The following PCDHGB3 variants were observed in gnomAD, a reference collection of about 807,000 sequenced individuals.
The protein encoded by PCDHGB3 is protocadherin gamma-B3.
In PCDHGB3, 40 loss-of-function variants were observed where a neutral mutation model predicts 59.2. The ratio of observed to expected loss-of-function variants is 0.68; its 90% CI spans 0.52 to 0.88. The LOEUF (loss-of-function observed/expected upper bound fraction) is 0.88, where lower values mean the gene tolerates loss of function less well. Among genes scored for constraint, PCDHGB3 ranks in the 40% least tolerant of loss-of-function variants. PCDHGB3 has a pLI of 0.00. For synonymous variants in PCDHGB3, 581 were observed against 503.6 expected (o/e 1.15, Z -2.06); for missense variants, 1,309 against 1,187.9 (o/e 1.10, Z -1.50).
intron 1 of PCDHGB3, among the ~76,000 whole-genome samples, chr5:141,463,966 A>C (rs923614502): frequency 4.6e-5 from 7 of 152,196 alleles, no homozygotes; most frequent in African/African-American, 1.7e-4. Context: ...AAATAGCTTC[A>C]TAAAACTCCA....
At chr5:141,398,827 G>A in intron 1 of PCDHGB3, 1 of 1,613,982 alleles carries the variant, frequency 6.2e-7, no homozygotes, top group East Asian at 2.2e-5. Flanking sequence ...CCAGGTAACC[G>A]ACGCCAATGA....
chr5:141,464,707 A>G (rs1052234067), intron 1 of PCDHGB3, among the ~76,000 whole-genome samples: 13 of 152,112 alleles, frequency 8.5e-5, no homozygotes, highest in African/African-American at 3.1e-4. Flanking sequence ...ATGAGGTTAA[A>G]TAGTTTTTCA....
chr5:141,375,842 C>T, intron 1 of PCDHGB3: 2 of 1,614,122 alleles, frequency 1.2e-6, no homozygotes, highest in East Asian at 4.5e-5. Flanking sequence ...GCCCGGCTAC[C>T]TGGTGACCAA....
intron 1 of PCDHGB3, chr5:141,378,750 G>T (rs1388712170): frequency 1.3e-5 from 2 of 152,084 alleles, no homozygotes; most frequent in African/African-American, 4.8e-5. Flanking sequence ...CAAGAAAAAA[G>T]GGATTATCAT....
At chr5:141,408,834 T>G in intron 1 of PCDHGB3, 1 of 1,613,696 alleles carries the variant, frequency 6.2e-7, no homozygotes, top group Non-Finnish European at 8.5e-7. Context: ...CATAGCTTGA[T>G]ATTGACTGCC....
intron 1 of PCDHGB3, chr5:141,374,351 A>T (rs1770409199): frequency 6.2e-7 from 1 of 1,614,022 alleles, no homozygotes; most frequent in South Asian, 1.1e-5. Flanking sequence ...CGCGGGTAGG[A>T]TAGACCGCGA....
chr5:141,370,879 T>G lies in PCDHGB3; in HGVS notation c.485T>G (p.Val162Gly), dbSNP rs760679770. 18 of 1,613,950 alleles carry G rather than the reference T, an allele frequency of 1.1e-5. No individual in the cohort carries two copies. The highest frequency in any genetic ancestry group is 1.4e-5 in the Non-Finnish European group (17 of 1,179,914). Residue 162 changes from valine (V) to glycine (G), a missense_variant, in exon 1 of 4, where the codon GTA (valine) becomes GGA (glycine). Coordinates refer to ENST00000576222, the MANE Select transcript of PCDHGB3 (RefSeq NM_018924.5). ...CTGGAATCTGCGCAAGATCCTGATGTAGGTGTCAATTCGCTGCAGCAGTAC... is the reference window on the plus strand; with the variant it reads ...CTGGAATCTGCGCAAGATCCTGATGGAGGTGTCAATTCGCTGCAGCAGTAC... ...FALESAQDPD[V>G]GVNSLQQYYL... is the part of the protein sequence containing the mutation.
At chr5:141,452,251 ACT>A (rs899414988) in intron 1 of PCDHGB3, among the ~76,000 whole-genome samples, 29 of 152,204 alleles carry the variant, frequency 1.9e-4, no homozygotes, top group African/African-American at 6.7e-4. Flanking sequence ...TTTTGCCATA[ACT>A]CTCTCATTTT....
At chr5:141,402,469 A>G (rs2094270515) in intron 1 of PCDHGB3, among the ~76,000 whole-genome samples, 1 of 152,224 alleles carries the variant, frequency 6.6e-6, no homozygotes. Context: ...ATCTAGAAAT[A>G]GAGTGCAAAG....
At chr5:141,492,461 G>A (rs1218833302) in intron 1 of PCDHGB3, among the ~76,000 whole-genome samples, 1 of 152,212 alleles carries the variant, frequency 6.6e-6, no homozygotes, top group East Asian at 1.9e-4. Flanking sequence ...CGCGCCTGAG[G>A]GTCCCAGATC....
At chr5:141,409,821 C>T in intron 1 of PCDHGB3, 1 of 1,610,940 alleles carries the variant, frequency 6.2e-7, no homozygotes, top group Non-Finnish European at 8.5e-7. Flanking sequence ...CACGGCTCGC[C>T]CACGCTCAGC....
At chr5:141,403,614 G>A (rs772617526) in intron 1 of PCDHGB3, 4 of 1,613,750 alleles carry the variant, frequency 2.5e-6, no homozygotes, top group Non-Finnish European at 3.4e-6. Flanking sequence ...GGCGAGCCGC[G>A]TCGCTCCAGC....
At chr5:141,497,143 GA>G (rs928640875) in intron 2 of PCDHGB3, among the ~76,000 whole-genome samples, 7 of 149,992 alleles carry the variant, frequency 4.7e-5, no homozygotes, top group African/African-American at 9.8e-5. Context: ...CTGAGATCAC[GA>G]AAAAAAAATA....
At chr5:141,409,878 C>T in intron 1 of PCDHGB3, 4 of 1,612,952 alleles carry the variant, frequency 2.5e-6, no homozygotes, top group Middle Eastern at 1.6e-4. Flanking sequence ...AATGACAACG[C>T]ACCGCGGGTG....
intron 1 of PCDHGB3, among the ~76,000 whole-genome samples, chr5:141,467,032 T>G (rs551565159): frequency 2.0e-5 from 3 of 152,164 alleles, no homozygotes; most frequent in Non-Finnish European, 2.9e-5. Flanking sequence ...GTTTTTGTTT[T>G]TTGTGTAATG....
At chr5:141,376,273 T>A in intron 1 of PCDHGB3, 2 of 1,614,102 alleles carry the variant, frequency 1.2e-6, no homozygotes, top group Non-Finnish European at 1.7e-6. Flanking sequence ...CTTCGGGAGG[T>A]GGCTTAGCGA....
chr5:141,375,144 G>C lies in PCDHGB3; in HGVS notation c.2415+2335G>C, dbSNP rs747224962. On this transcript the variant is annotated intron_variant, in intron 1 of 3. Transcript: ENST00000576222. Reference sequence around the variant, plus strand: ...GAAGTGGTTGTTACATCTGGAAGCAGAACAATTGCTGAAAGTGCACCTCCA... The same window carrying C: ...GAAGTGGTTGTTACATCTGGAAGCACAACAATTGCTGAAAGTGCACCTCCA... 18 of 1,613,936 alleles carry C rather than the reference G, an allele frequency of 1.1e-5. No individual in the cohort carries two copies. The South Asian group carries it at 1.4e-4, about 13-fold the overall frequency.
Position 141,399,737 on chromosome 5 carries a change from C to T in PCDHGB3, c.2415+26928C>T, listed in dbSNP as rs888467903. The T allele has an allele frequency of 2.5e-6, 4 of 1,613,296 alleles. No homozygotes were observed. In the South Asian group the frequency reaches 3.3e-5, roughly 13 times the overall value. On this transcript the variant is annotated intron_variant, in intron 1 of 3. Coordinates refer to ENST00000576222, the MANE Select transcript of PCDHGB3 (RefSeq NM_018924.5). Reference sequence around the variant, plus strand: ...CAGGCCCGCGACCAGGGCTCGCCTGCGCTCAGCGCAAACGTGAGCCTGCGC... The same window carrying T: ...CAGGCCCGCGACCAGGGCTCGCCTGTGCTCAGCGCAAACGTGAGCCTGCGC...
At chr5:141,443,845 A>C (rs923351698) in intron 1 of PCDHGB3, among the ~76,000 whole-genome samples, 19 of 152,224 alleles carry the variant, frequency 1.2e-4, no homozygotes, top group Admixed American at 5.9e-4. Context: ...GGTAATATGG[A>C]AAGTCTGAAA....
Sources: gnomAD v4.1 joint callset for allele counts (sites outside exome capture counted in the v4.1 genomes callset) on GRCh38, gnomAD v4.1.1 for gene constraint, MANE v1.5 for transcripts, NCBI Gene and HGNC (gene_info 2026-07-23, HGNC 2026-07-21) for gene names.